Variants in TMC1 observed in about 807,000 individuals in gnomAD.
TMC1 encodes transmembrane channel-like protein 1.
A neutral mutation model predicts 105.8 loss-of-function variants in TMC1; 84 were observed. The observed-to-expected ratio is 0.79, with a 90% CI of 0.67 to 0.95. The LOEUF (loss-of-function observed/expected upper bound fraction) is 0.95, where lower values mean the gene tolerates loss of function less well. Among genes scored for constraint, TMC1 ranks in the 40% least tolerant of loss-of-function variants. The pLI is 0.00. For missense variants in TMC1, 817 were observed against 914.1 expected, an observed-to-expected ratio of 0.89 and a Z score of 1.37; for synonymous variants, 315 against 311.5, an observed-to-expected ratio of 1.01 and a Z score of -0.12.
chr9:72,554,792 T>TA (rs1242645792), intron 1 of TMC1, among the ~76,000 whole-genome samples: 5 of 152,228 alleles, frequency 3.3e-5, no homozygotes, highest in Non-Finnish European at 5.9e-5. Flanking sequence ...TAAAGACAGT[T>TA]AAAGTCTCCA....
chr9:72,660,588 T>C (rs1010991536), intron 5 of TMC1, among the ~76,000 whole-genome samples: 4 of 152,226 alleles, frequency 2.6e-5, no homozygotes, highest in Non-Finnish European at 5.9e-5. Flanking sequence ...TGCATATAGA[T>C]ACATCTTGGC....
chr9:72,527,847 G>A (rs931787530), intron 1 of TMC1, among the ~76,000 whole-genome samples: 2 of 152,188 alleles, frequency 1.3e-5, no homozygotes, highest in African/African-American at 4.8e-5. Context: ...CAATGGCACT[G>A]CGAGACCCTA....
intron 18 of TMC1, among the ~76,000 whole-genome samples, chr9:72,807,896 G>T (rs868586052): frequency 6.6e-6 from 1 of 152,106 alleles, no homozygotes; most frequent in Non-Finnish European, 1.5e-5. Flanking sequence ...GAACCACACT[G>T]GTGCTGACTC....
chr9:72,788,209 A>G (rs991169800), intron 13 of TMC1, 130 bp from the exon 14 acceptor site: 5 of 1,010,930 alleles, frequency 4.9e-6, no homozygotes, highest in Admixed American at 4.4e-5. Context: ...TGGTCATTAG[A>G]ACAAACTTGT....
chr9:72,732,380 G>A (rs372480868), intron 8 of TMC1, among the ~76,000 whole-genome samples: 1 of 152,032 alleles, frequency 6.6e-6, no homozygotes. Flanking sequence ...CTGGCCAAAA[G>A]GGTGAAACCC....
chr9:72,683,395 T>C lies in TMC1; in HGVS notation c.17-5314T>C, dbSNP rs868858693. 3.9e-5 allele frequency among the ~76,000 whole-genome samples: 6 copies of C among 152,204 alleles called. 1 individual carries two copies. Among genetic ancestry groups the C allele is most frequent in the South Asian group, 4.1e-4 (2 of 4,820 alleles). On this transcript the variant is annotated intron_variant, in intron 5 of 23. Transcript: ENST00000297784. ...CAGATCAAAATATGCATCCCCATCA[T>C]TCGTATTGCTATAATCAGAAATTAG...
intron 19 of TMC1, 77 bp downstream of exon 19, chr9:72,816,287 GTGT>G (rs1402636244): frequency 4.9e-5 from 67 of 1,379,886 alleles, no homozygotes; most frequent in Non-Finnish European, 6.2e-5. Context: ...TTGAATCCTG[GTGT>G]TAGAGGAGAA....
chr9:72,549,215 A>G (rs1486450136), intron 1 of TMC1, among the ~76,000 whole-genome samples: 1 of 152,160 alleles, frequency 6.6e-6, no homozygotes, highest in Non-Finnish European at 1.5e-5. Context: ...ATCAGACATT[A>G]TATTTCATTA....
chr9:72,543,612 G>A (rs1375019548), intron 1 of TMC1, among the ~76,000 whole-genome samples: 3 of 152,120 alleles, frequency 2.0e-5, no homozygotes, highest in Non-Finnish European at 4.4e-5. Context: ...GTGAAACTCT[G>A]TCTCTACTAA....
intron 4 of TMC1, among the ~76,000 whole-genome samples, chr9:72,633,012 A>AC (rs1329643047): frequency 6.6e-6 from 1 of 152,082 alleles, no homozygotes. Flanking sequence ...TTCTGCCAAA[A>AC]AAAAAAAATA....
chr9:72,619,926 C>T (rs1825215130), intron 3 of TMC1, among the ~76,000 whole-genome samples: 1 of 151,098 alleles, frequency 6.6e-6, no homozygotes, highest in South Asian at 2.1e-4. Flanking sequence ...CCTCCACCTC[C>T]TGGGTTCAAG....
chr9:72,774,527 G>A (rs1006194882), intron 13 of TMC1, among the ~76,000 whole-genome samples: 12 of 152,280 alleles, frequency 7.9e-5, no homozygotes, highest in African/African-American at 2.9e-4. Context: ...GGCTCTAGAG[G>A]AAGTAGTGGC....
At position 72,599,457 on chromosome 9, in the gene TMC1, A is replaced by T. The variant is rs560959889; in HGVS notation, c.-305-16911A>T. On this transcript the variant is annotated intron_variant, in intron 2 of 23. Transcript: ENST00000297784. ...AAAGACCTGGCCAGTGGGTGAGCAG[A>T]TCTCAGTTACAAAAAGCCTATAGGT... 1.1e-4 allele frequency among the ~76,000 whole-genome samples: 17 copies of T among 152,328 alleles called. No homozygotes were observed. The East Asian group carries it at 3.3e-3, about 29-fold the overall frequency.
chr9:72,799,273 G>A (rs1429023266), intron 17 of TMC1, among the ~76,000 whole-genome samples: 1 of 152,060 alleles, frequency 6.6e-6, no homozygotes, highest in African/African-American at 2.4e-5. Flanking sequence ...GTTGAGTTTA[G>A]CACTGAATGT....
intron 6 of TMC1, among the ~76,000 whole-genome samples, chr9:72,690,749 G>A (rs923464882): frequency 2.6e-5 from 4 of 151,948 alleles, no homozygotes; most frequent in African/African-American, 2.4e-5. Context: ...TCAAAATTCT[G>A]TCTTTGTCTT....
chr9:72,690,531 C>T (rs2487461), intron 6 of TMC1, among the ~76,000 whole-genome samples: 77,836 of 151,826 alleles, frequency 0.51, 21,269 homozygotes, highest in African/African-American at 0.73. Flanking sequence ...GGGTGATTAA[C>T]TTAGGTTTTG....
At chr9:72,603,401 ACACACACACACACACACACACCACACTC>A (rs1824852696) in intron 2 of TMC1, among the ~76,000 whole-genome samples, 1 of 148,062 alleles carries the variant, frequency 6.8e-6, no homozygotes, top group Non-Finnish European at 1.5e-5. Flanking sequence ...ACACACACAC[ACACACACACACACACACACACCACACTC>A]CACACGCACA....
intron 1 of TMC1, among the ~76,000 whole-genome samples, chr9:72,530,548 C>T (rs972047365): frequency 2.0e-5 from 3 of 151,566 alleles, no homozygotes; most frequent in Admixed American, 1.3e-4. Context: ...CGAGATTGTG[C>T]CACTGCACTC....
At chr9:72,603,386 T>TACAC (rs10584160) in intron 2 of TMC1, among the ~76,000 whole-genome samples, 5,000 of 145,266 alleles carry the variant, frequency 0.034, 108 homozygotes, top group Non-Finnish European at 0.046. Flanking sequence ...CTCTCCCCAC[T>TACAC]ACACACACAC....
Sources: allele counts gnomAD v4.1 joint callset (sites outside exome capture counted in the v4.1 genomes callset), GRCh38; gene constraint gnomAD v4.1.1; transcripts MANE v1.5; gene names NCBI Gene and HGNC (gene_info 2026-07-23, HGNC 2026-07-21).